CSE1L: variants seen among roughly 807,000 people sequenced by gnomAD.
CSE1L encodes exportin-2.
CSE1L carries 24 observed loss-of-function variants against 120.4 expected under a neutral mutation model. That is an observed-to-expected ratio of 0.20 (90% confidence interval 0.14 to 0.28). CSE1L has a LOEUF of 0.28. Among genes scored for constraint, CSE1L ranks in the 10% least tolerant of loss-of-function variants. The probability of loss-of-function intolerance (pLI) is 1.00; values close to 1 mark genes in which losing one functional copy is unlikely to be tolerated. For synonymous variants in CSE1L, 402 were observed against 398.3 expected (o/e 1.01, Z -0.11); for missense variants, 830 against 1,145.2 (o/e 0.72, Z 3.97).
At chr20:49,078,456 A>G (rs950075942) in intron 13 of CSE1L, 105 bp from the exon 14 acceptor site, 15 of 743,570 alleles carry the variant, frequency 2.0e-5, no homozygotes, top group African/African-American at 2.0e-4. Context: ...CTGTGCTTTA[A>G]TTACTTGACA....
rs184844264 is a variant in CSE1L, at chr20:49,088,860, G to A, written c.1822-387G>A. The stretch of plus-strand genomic sequence containing the variant: ...AAGAACTTGTTTAAAGAAAAATGGG[G>A]TTTTGTTGCTTAAAAAGAACATAAA... On this transcript the variant is annotated intron_variant, in intron 17 of 24. Coordinates refer to ENST00000262982, the MANE Select transcript of CSE1L (RefSeq NM_001316.4). Among the ~76,000 whole-genome samples the A allele has an allele frequency of 5.3e-5, 8 of 152,208 alleles. No homozygotes were observed. The East Asian group carries it at 1.2e-3, about 22-fold the overall frequency.
intron 22 of CSE1L, among the ~76,000 whole-genome samples, chr20:49,092,578 C>T (rs965887721): frequency 2.0e-5 from 3 of 151,690 alleles, no homozygotes; most frequent in African/African-American, 7.3e-5. Flanking sequence ...CACATGTTCT[C>T]ACTCATAGGT....
chr20:49,083,978 A>C, intron 14 of CSE1L, 48 bp from the exon 15 acceptor site: 1 of 1,563,822 alleles, frequency 6.4e-7, no homozygotes, highest in Non-Finnish European at 8.7e-7. Context: ...CTTTTACTCA[A>C]ATATGGAATC....
chr20:49,094,610 C>G (rs2092125793), intron 23 of CSE1L, 122 bp from the exon 24 acceptor site: 1 of 691,098 alleles, frequency 1.4e-6, no homozygotes, highest in Non-Finnish European at 2.5e-6. Flanking sequence ...ATCTTAATTT[C>G]AAAGGTCCCC....
At chr20:49,060,619 T>TA (rs1415265518) in intron 2 of CSE1L, among the ~76,000 whole-genome samples, 3 of 151,894 alleles carry the variant, frequency 2.0e-5, no homozygotes, top group Non-Finnish European at 4.4e-5. Flanking sequence ...TTACTAAAAA[T>TA]ACAAACATTA....
chr20:49,088,143 T>G, intron 17 of CSE1L, 37 bp downstream of exon 17: 3 of 1,406,366 alleles, frequency 2.1e-6, no homozygotes, highest in Non-Finnish European at 3.0e-6. Context: ...GTTCCTTTTT[T>G]ATTTGCTCCA....
At chr20:49,070,833 G>C (rs2091926397) in intron 8 of CSE1L, among the ~76,000 whole-genome samples, 1 of 152,268 alleles carries the variant, frequency 6.6e-6, no homozygotes, top group African/African-American at 2.4e-5. Flanking sequence ...CTACTCAGAA[G>C]GCTTAGTTGT....
At chr20:49,083,694 CTT>C (rs2092031355) in intron 14 of CSE1L, among the ~76,000 whole-genome samples, 2 of 152,152 alleles carry the variant, frequency 1.3e-5, no homozygotes, top group African/African-American at 4.8e-5. Context: ...GGTTAAATAA[CTT>C]TTTCAAGAAA....
At position 49,096,133 on chromosome 20, in the gene CSE1L, A is replaced by G. The variant is rs371891957; in HGVS notation, c.2827-216A>G. 260 of 693,644 alleles carry G rather than the reference A, an allele frequency of 3.7e-4. 1 individual carries two copies. Among genetic ancestry groups the G allele is most frequent in the African/African-American group, 3.7e-3 (209 of 57,084 alleles). 43.0% of individuals were successfully genotyped at this position (693,644 alleles called of 1,614,324 possible). ...CTTTTTAATTAACCACAATACCACTATCACACCTAATAATAGTAATTCCTT... is the reference window on the plus strand; with the variant it reads ...CTTTTTAATTAACCACAATACCACTGTCACACCTAATAATAGTAATTCCTT... On this transcript the variant is annotated intron_variant, in intron 24 of 24. Transcript: ENST00000262982.
chr20:49,067,031 CAAAAAAAAAAAAA>C (rs60161542), intron 5 of CSE1L, among the ~76,000 whole-genome samples, 146 bp from the exon 6 acceptor site: 3 of 100,806 alleles, frequency 3.0e-5, no homozygotes, highest in Non-Finnish European at 5.7e-5. Flanking sequence ...GACTCCGTCT[CAAAAAAAAAAAAA>C]AAAAAAAAAA....
chr20:49,061,468 G>A (rs1270317118), intron 2 of CSE1L, among the ~76,000 whole-genome samples: 1 of 140,012 alleles, frequency 7.1e-6, no homozygotes, highest in Non-Finnish European at 1.6e-5. Context: ...CACCGTGCCC[G>A]GTGGAAAAAT....
intron 1 of CSE1L, among the ~76,000 whole-genome samples, chr20:49,046,694 C>T (rs2091713778): frequency 6.6e-6 from 1 of 152,260 alleles, no homozygotes; most frequent in Admixed American, 6.5e-5. Flanking sequence ...TGAGGCGCGG[C>T]CTAACGCGAG....
At chr20:49,058,913 C>G (rs191227200) in intron 2 of CSE1L, among the ~76,000 whole-genome samples, 2 of 152,160 alleles carry the variant, frequency 1.3e-5, no homozygotes, top group South Asian at 2.1e-4. Flanking sequence ...AGGCGGATCA[C>G]GAGGTCAGGA....
chr20:49,061,167 ATTTTTTTTT>A (rs3092068), intron 2 of CSE1L, among the ~76,000 whole-genome samples: 1 of 116,304 alleles, frequency 8.6e-6, no homozygotes. Context: ...ACTATTAAAA[ATTTTTTTTT>A]TTTTTTTTTT....
At chr20:49,077,156 T>C in intron 13 of CSE1L, 92 bp downstream of exon 13, 1 of 640,398 alleles carries the variant, frequency 1.6e-6, no homozygotes, top group Non-Finnish European at 2.5e-6. Flanking sequence ...TTTTGTTCTT[T>C]TTTTTTTTTT....
chr20:49,091,663 C>T (rs553852962), intron 21 of CSE1L, among the ~76,000 whole-genome samples: 4 of 152,192 alleles, frequency 2.6e-5, no homozygotes, highest in South Asian at 2.1e-4. Flanking sequence ...GTTAAGGCTG[C>T]GTGAGCTGTG....
At position 49,073,577 on chromosome 20, in the gene CSE1L, C is replaced by G. The variant is rs536892646; in HGVS notation, c.1066+880C>G. Reference sequence around the variant, plus strand: ...TATGGCTTACTGCAACCTCAACTTCCCAGGCTCAAGTCATTGTCCCACCCT... The same window carrying G: ...TATGGCTTACTGCAACCTCAACTTCGCAGGCTCAAGTCATTGTCCCACCCT... On this transcript the variant is annotated intron_variant, in intron 10 of 24. Coordinates refer to ENST00000262982, the MANE Select transcript of CSE1L (RefSeq NM_001316.4). Among the ~76,000 whole-genome samples the G allele has an allele frequency of 2.0e-5, 3 of 152,204 alleles. No homozygotes were observed. The South Asian group carries it at 6.2e-4, about 32-fold the overall frequency.
At chr20:49,093,964 A>AG (rs1215443673) in intron 22 of CSE1L, among the ~76,000 whole-genome samples, 176 bp from the exon 23 acceptor site, 1 of 151,966 alleles carries the variant, frequency 6.6e-6, no homozygotes, top group African/African-American at 2.4e-5. Flanking sequence ...GCTACAGGGT[A>AG]GAGGTGTGAT....
intron 10 of CSE1L, among the ~76,000 whole-genome samples, chr20:49,073,036 G>A (rs1007490311): frequency 4.6e-5 from 7 of 151,802 alleles, no homozygotes; most frequent in Admixed American, 3.3e-4. Flanking sequence ...TTTGAGACAG[G>A]GGTCTCGCTC....
Sources: allele counts gnomAD v4.1 joint callset (sites outside exome capture counted in the v4.1 genomes callset), GRCh38; gene constraint gnomAD v4.1.1; transcripts MANE v1.5; gene names NCBI Gene and HGNC (gene_info 2026-07-23, HGNC 2026-07-21).